Variants in SSBP2 observed in about 807,000 individuals in gnomAD.
SSBP2 encodes the protein single-stranded DNA-binding protein 2.
A neutral mutation model predicts 61.8 loss-of-function variants in SSBP2; 17 were observed. The ratio of observed to expected loss-of-function variants is 0.28; its 90% confidence interval spans 0.19 to 0.41. SSBP2 has a LOEUF of 0.41. Ranked by LOEUF, SSBP2 falls within the 10% of genes least tolerant of loss-of-function variation. The probability of loss-of-function intolerance (pLI) is 1.00; values close to 1 mark genes in which losing one functional copy is unlikely to be tolerated. For synonymous variants in SSBP2, 139 were observed against 141.3 expected, an observed-to-expected ratio of 0.98 and a Z score of 0.12; for missense variants, 310 against 458.7, an observed-to-expected ratio of 0.68 and a Z score of 2.96.
At chr5:81,641,387 C>G (rs907658252) in intron 2 of SSBP2, among the ~76,000 whole-genome samples, 1 of 152,138 alleles carries the variant, frequency 6.6e-6, no homozygotes, top group African/African-American at 2.4e-5. Flanking sequence ...ATTTCATGCT[C>G]ACAATATTTT....
At chr5:81,625,439 A>T (rs1747049031) in intron 3 of SSBP2, among the ~76,000 whole-genome samples, 1 of 151,184 alleles carries the variant, frequency 6.6e-6, no homozygotes, top group African/African-American at 2.5e-5. Flanking sequence ...AGCAAATATT[A>T]TCCTTGAAAT....
rs1766544709 is a variant in SSBP2, at chr5:81,488,043, ATATATATATATAT to A, written c.432+1194_432+1206del. ...TATATATATATATATATATATATAT[ATATATATATATAT>A]ATAAATAAAATATCATATATTATAT... On this transcript the variant is annotated intron_variant, in intron 6 of 16. Transcript: ENST00000320672. 4.8e-5 allele frequency among the ~76,000 whole-genome samples: 3 copies of A among 62,568 alleles called. 1 individual carries two copies. Among genetic ancestry groups the A allele is most frequent in the Non-Finnish European group, 9.1e-5 (3 of 32,870 alleles). The allele number at this position is 62,568 out of a possible 152,430, so 41.0% of individuals were successfully genotyped here. A position where few individuals can be genotyped will look rare whatever the true frequency, so the allele number is the denominator to read the frequency against.
In SSBP2 at chr5:81,729,365, T is replaced by C. The variant is rs551717935; in HGVS notation, c.62+21616A>G. On this transcript the variant is annotated intron_variant, in intron 1 of 16. Coordinates refer to ENST00000320672, the MANE Select transcript of SSBP2 (RefSeq NM_012446.5). The stretch of plus-strand genomic sequence containing the variant: ...GAATTTTCAAGCAATTATAAAACAA[T>C]GTGAAACAGTAAATCCCCTTTGCAG... Among the ~76,000 whole-genome samples, 4 of 152,268 alleles carry C rather than the reference T, an allele frequency of 2.6e-5. No individual in the cohort carries two copies. The South Asian group carries it at 8.3e-4, about 32-fold the overall frequency.
chr5:81,718,889 T>C (rs1369032632), intron 1 of SSBP2, among the ~76,000 whole-genome samples: 2 of 152,172 alleles, frequency 1.3e-5, no homozygotes, highest in Admixed American at 6.5e-5. Context: ...ACCACGGAAA[T>C]TGTAATGTAA....
intron 8 of SSBP2, 138 bp downstream of exon 8, chr5:81,473,562 C>T (rs946786530): frequency 2.7e-6 from 2 of 730,242 alleles, no homozygotes; most frequent in Non-Finnish European, 4.6e-6. Context: ...CTGCAAAGGA[C>T]ATAATCGCAT....
At chr5:81,466,951 G>A in intron 9 of SSBP2, 23 bp downstream of exon 9, 1 of 1,419,564 alleles carries the variant, frequency 7.0e-7, no homozygotes, top group South Asian at 1.2e-5. Flanking sequence ...TAATAATGTA[G>A]TATATGATAT....
chr5:81,634,887 T>A (rs963304250), intron 3 of SSBP2, among the ~76,000 whole-genome samples: 4 of 152,238 alleles, frequency 2.6e-5, no homozygotes, highest in Non-Finnish European at 4.4e-5. Flanking sequence ...TGAAATGTAT[T>A]TGGCATGTGC....
intron 2 of SSBP2, among the ~76,000 whole-genome samples, chr5:81,648,237 T>A (rs763767787): frequency 2.2e-4 from 33 of 152,144 alleles, no homozygotes; most frequent in Non-Finnish European, 3.7e-4. Context: ...TATCAGTGAA[T>A]GCGACTTAGA....
At chr5:81,493,102 G>T (rs10942266) in intron 5 of SSBP2, among the ~76,000 whole-genome samples, 55,192 of 151,586 alleles carry the variant, frequency 0.36, 13,636 homozygotes, top group African/African-American at 0.71. Flanking sequence ...AGTCCTCTTT[G>T]TTGTGTCAGA....
At chr5:81,442,272 A>G (rs1159622015) in intron 13 of SSBP2, among the ~76,000 whole-genome samples, 1 of 152,036 alleles carries the variant, frequency 6.6e-6, no homozygotes, top group African/African-American at 2.4e-5. Context: ...TTCCTCCTTT[A>G]TTTTCAAGTT....
chr5:81,428,514 T>G, intron 16 of SSBP2, 71 bp downstream of exon 16: 1 of 1,180,742 alleles, frequency 8.5e-7, no homozygotes, highest in Non-Finnish European at 1.3e-6. Flanking sequence ...AAAAGTGGCT[T>G]TATGCATTTA....
intron 4 of SSBP2, among the ~76,000 whole-genome samples, chr5:81,578,950 C>A (rs945439750): frequency 5.3e-5 from 8 of 151,736 alleles, no homozygotes; most frequent in Non-Finnish European, 8.8e-5. Context: ...AATTAAAGAA[C>A]CTAAATTGTA....
At chr5:81,488,091 C>T (rs1766573006) in intron 6 of SSBP2, among the ~76,000 whole-genome samples, 1 of 128,544 alleles carries the variant, frequency 7.8e-6, no homozygotes. Context: ...TATATACACA[C>T]ACACACCACA....
intron 1 of SSBP2, among the ~76,000 whole-genome samples, chr5:81,715,540 AT>A (rs1343950784): frequency 6.6e-6 from 1 of 152,220 alleles, no homozygotes; most frequent in Non-Finnish European, 1.5e-5. Context: ...AACCAATGAT[AT>A]GTTCATAGAA....
At chr5:81,502,177 G>C (rs974090032) in intron 5 of SSBP2, among the ~76,000 whole-genome samples, 1 of 152,086 alleles carries the variant, frequency 6.6e-6, no homozygotes, top group Non-Finnish European at 1.5e-5. Flanking sequence ...GGACCACATT[G>C]AACAAGGCCA....
intron 4 of SSBP2, among the ~76,000 whole-genome samples, chr5:81,560,616 C>G (rs995622285): frequency 5.9e-5 from 9 of 152,164 alleles, no homozygotes; most frequent in African/African-American, 2.2e-4. Context: ...CAGAGAGAAG[C>G]AGCTCTGGAA....
chr5:81,649,614 A>C (rs1749562222), intron 2 of SSBP2, among the ~76,000 whole-genome samples: 1 of 151,996 alleles, frequency 6.6e-6, no homozygotes, highest in African/African-American at 2.4e-5. Context: ...GACACTACAG[A>C]CTACTAGAGG....
intron 12 of SSBP2, among the ~76,000 whole-genome samples, chr5:81,446,222 A>G (rs1011230326): frequency 6.6e-6 from 1 of 150,746 alleles, no homozygotes; most frequent in Non-Finnish European, 1.5e-5. Flanking sequence ...GGGTGCGCCA[A>G]TTTAGTCTTC....
intron 10 of SSBP2, 94 bp from the exon 11 acceptor site, chr5:81,448,919 T>A: frequency 9.8e-7 from 1 of 1,023,492 alleles, no homozygotes; most frequent in Non-Finnish European, 1.5e-6. Flanking sequence ...TTGTCAAGTT[T>A]TAAAATGTAT....
Sources: allele counts gnomAD v4.1 joint callset (sites outside exome capture counted in the v4.1 genomes callset), GRCh38; gene constraint gnomAD v4.1.1; transcripts MANE v1.5; gene names NCBI Gene and HGNC (gene_info 2026-07-23, HGNC 2026-07-21).